The following CFAP46 variants were observed in gnomAD, a reference collection of about 807,000 sequenced individuals.
The protein encoded by CFAP46 is cilia and flagella associated protein 46, also known as cilia- and flagella-associated protein 46.
In CFAP46, 245 loss-of-function variants were observed where a neutral mutation model predicts 325.7. That is an observed-to-expected ratio of 0.75 (90% CI 0.68 to 0.84). The LOEUF is 0.84. Ranked by LOEUF, CFAP46 falls within the 40% of genes least tolerant of loss-of-function variation. The pLI, the probability that CFAP46 is intolerant of heterozygous loss-of-function variation, is 0.00. For missense variants in CFAP46, 3,346 were observed against 3,543.0 expected (o/e 0.94, Z 1.41); for synonymous variants, 1,523 against 1,495.9 (o/e 1.02, Z -0.42).
chr10:132,821,511 CTGTGTGCTGTGTGCTGA>C (rs2073771916), intron 50 of CFAP46, among the ~76,000 whole-genome samples: 4 of 115,280 alleles, frequency 3.5e-5, no homozygotes, highest in South Asian at 5.9e-4. Context: ...GCTGTGTGCG[CTGTGTGCTGTGTGCTGA>C]TGTGTGCTGA....
Position 132,884,663 on chromosome 10 carries a change from G to A in CFAP46, c.3627+440C>T, listed in dbSNP as rs1849095561. On this transcript the variant is annotated intron_variant, in intron 27 of 57. Coordinates refer to ENST00000368586, the MANE Select transcript of CFAP46 (RefSeq NM_001200049.3). This position sits in a 1 kb window ranked among gnomAD's most constrained non-coding sequence, Gnocchi z 5.4. The stretch of plus-strand genomic sequence containing the variant: ...CTCGCCTTCCTGGGGGTGGGGAAGA[G>A]ACGCCAACATCCCCAGAACGCCCAC... Among the ~76,000 whole-genome samples the A allele has an allele frequency of 6.6e-6, 1 of 152,116 alleles. No individual in the cohort carries two copies. Among genetic ancestry groups the A allele is most frequent in the Non-Finnish European group, 1.5e-5 (1 of 68,012 alleles).
intron 24 of CFAP46, among the ~76,000 whole-genome samples, chr10:132,896,293 G>A (rs1360510161): frequency 6.6e-6 from 1 of 152,226 alleles, no homozygotes; most frequent in Non-Finnish European, 1.5e-5. Context: ...GCCAGGCTGT[G>A]TGTGCCACAT....
At chr10:132,936,151 C>T (rs1427909948) in intron 7 of CFAP46, among the ~76,000 whole-genome samples, 1 of 115,526 alleles carries the variant, frequency 8.7e-6, no homozygotes, top group South Asian at 3.1e-4. Context: ...TCACTCCCCC[C>T]GGCCCCCAAA....
At position 132,889,120 on chromosome 10, in the gene CFAP46, C is replaced by T. The variant is rs1849221100; in HGVS notation, c.3305-3161G>A. Among the ~76,000 whole-genome samples the T allele has an allele frequency of 1.3e-5, 2 of 152,196 alleles. No homozygotes were observed. The highest frequency in any genetic ancestry group is 2.9e-5 in the Non-Finnish European group (2 of 68,040). On this transcript the variant is annotated intron_variant, in intron 25 of 57. Transcript: ENST00000368586. The surrounding 1 kb of genome is among the most constrained non-coding windows in gnomAD (Gnocchi z 6.0). ...CAAACCCCTTTCTCCCAGCGCCCTC[C>T]CCCAGCACTCTGCAGGCCACAGTGC...
At chr10:132,868,262 G>A (rs927394348) in intron 33 of CFAP46, among the ~76,000 whole-genome samples, 5 of 152,070 alleles carry the variant, frequency 3.3e-5, no homozygotes, top group African/African-American at 1.2e-4. Flanking sequence ...TCTGCCATCT[G>A]CCACCCTCCA....
chr10:132,824,495 CTGTGT>C (rs1564768016), intron 50 of CFAP46, among the ~76,000 whole-genome samples: 1 of 79,822 alleles, frequency 1.3e-5, no homozygotes, highest in African/African-American at 5.2e-5. Context: ...GCGCTGTGTG[CTGTGT>C]GCTGATGTGT....
chr10:132,860,527 AG>A lies in CFAP46; in HGVS notation c.5092-5del, dbSNP rs1848706027. The stretch of plus-strand genomic sequence containing the variant: ...GCTTCTGAAATATGTGACACACCTG[AG>A]GACAGGCAGGGGTGGATACGGGTGT... On this transcript the variant is annotated splice_polypyrimidine_tract_variant and splice_region_variant and intron_variant, in intron 36 of 57. Coordinates refer to ENST00000368586, the MANE Select transcript of CFAP46 (RefSeq NM_001200049.3). The A allele has an allele frequency of 5.2e-6, 8 of 1,540,750 alleles. No homozygotes were observed. The highest frequency in any genetic ancestry group is 7.0e-6 in the Non-Finnish European group (8 of 1,137,858).
Position 132,876,923 on chromosome 10 carries a change from T to C in CFAP46, c.4251A>G (p.Leu1417=). Residue 1417 remains leucine (L), a synonymous_variant, in exon 31 of 58, where the codon TTA becomes TTG. Transcript: ENST00000368586. The surrounding 1 kb of genome is among the most constrained non-coding windows in gnomAD (Gnocchi z 4.1). ...SPAPIKQLED[L]PMSIEEWASY... ...AAGCCCACTCTTCTATGCTCATGGG[T>C]AAGTCTTCCAGTTGTTTGATAGGAG... is the stretch of plus-strand genomic sequence containing the variant. 1 of 1,550,534 alleles carries C rather than the reference T, an allele frequency of 6.4e-7. No individual in the cohort carries two copies. The highest frequency in any genetic ancestry group is 8.7e-7 in the Non-Finnish European group (1 of 1,146,970).
chr10:132,906,190 G>A (rs7079166), intron 22 of CFAP46, among the ~76,000 whole-genome samples: 55,078 of 152,142 alleles, frequency 0.36, 10,256 homozygotes, highest in Admixed American at 0.49. Context: ...TTGTGAACGT[G>A]GGGCACCACG....
rs923968662 is a variant in CFAP46, at chr10:132,827,709, C to CA, written c.7117+5648dup. ...GCGAAGGTCACGGCACACCCAGCCC[C>CA]AGGAGCTTCCCCAAAATGCCTGCAA... On this transcript the variant is annotated intron_variant, in intron 50 of 57. Transcript: ENST00000368586. The surrounding 1 kb of genome is among the most constrained non-coding windows in gnomAD (Gnocchi z 5.7). Among the ~76,000 whole-genome samples, 1 of 152,114 alleles carries CA rather than the reference C, an allele frequency of 6.6e-6. No individual in the cohort carries two copies. The highest frequency in any genetic ancestry group is 2.4e-5 in the African/African-American group (1 of 41,418).
intron 8 of CFAP46, among the ~76,000 whole-genome samples, chr10:132,933,126 C>T (rs1849938667): frequency 6.6e-6 from 1 of 152,242 alleles, no homozygotes. Context: ...ACCATCCTCC[C>T]TGCATCCCTG....
Position 132,877,929 on chromosome 10 carries a change from C to G in CFAP46, c.4164G>C (p.Glu1388Asp). The G allele has an allele frequency of 1.3e-6, 2 of 1,550,282 alleles. No homozygotes were observed. The highest frequency in any genetic ancestry group is 1.7e-6 in the Non-Finnish European group (2 of 1,146,724). Reference protein sequence around the residue: ...SKEKENERSKEKDKEKGKEEK... With the variant: ...SKEKENERSKDKDKEKGKEEK... The stretch of plus-strand genomic sequence containing the variant: ...CCTCCTTTCCCTTCTCCTTGTCCTT[C>G]TCTTTACTCCTCTCATTCTCCTTCT... Residue 1388 changes from glutamate (E) to aspartate (D), a missense_variant, in exon 30 of 58, where the codon GAG becomes GAC. By Grantham distance (45) the Glu-to-Asp change is conservative (BLOSUM62 2). Coordinates refer to ENST00000368586, the MANE Select transcript of CFAP46 (RefSeq NM_001200049.3). This position sits in a 1 kb window ranked among gnomAD's most constrained non-coding sequence, Gnocchi z 5.7.
intron 50 of CFAP46, among the ~76,000 whole-genome samples, chr10:132,816,875 C>T (rs1014244376): frequency 1.3e-5 from 2 of 152,228 alleles, no homozygotes; most frequent in Admixed American, 6.5e-5. Context: ...TTTCTACCCT[C>T]ATCACGCTGT....
intron 19 of CFAP46, among the ~76,000 whole-genome samples, chr10:132,911,022 T>A (rs1849533379): frequency 1.3e-5 from 2 of 152,158 alleles, no homozygotes; most frequent in South Asian, 4.1e-4. Context: ...AGCATCTGGA[T>A]CCAGCCATCA....
At chr10:132,824,025 TGA>T (rs1461637557) in intron 50 of CFAP46, among the ~76,000 whole-genome samples, 30 of 111,364 alleles carry the variant, frequency 2.7e-4, no homozygotes, top group South Asian at 3.6e-4. Context: ...GTGTGCTGTG[TGA>T]GTGCTGATGT....
intron 17 of CFAP46, 93 bp from the exon 18 acceptor site, chr10:132,913,351 T>G: frequency 2.1e-6 from 1 of 473,564 alleles, no homozygotes. Flanking sequence ...GGAACCAGGC[T>G]GCAGGGCAAG....
intron 25 of CFAP46, among the ~76,000 whole-genome samples, chr10:132,887,387 T>C (rs1849161342): frequency 1.0e-5 from 1 of 100,278 alleles, no homozygotes; most frequent in African/African-American, 5.1e-5. Context: ...CTTCTCTCTC[T>C]CCTCTCTCGC....
intron 27 of CFAP46, among the ~76,000 whole-genome samples, chr10:132,881,423 T>C (rs1849041422): frequency 6.6e-6 from 1 of 152,178 alleles, no homozygotes; most frequent in Non-Finnish European, 1.5e-5. Flanking sequence ...GGCAGCCCCA[T>C]GTCCCTGCTG....
rs1322796204 is a variant in CFAP46 at position 132,926,582 on chromosome 10, G to A, written c.1051C>T (p.Arg351Ter). 1.1e-5 allele frequency: 17 copies of A among 1,535,726 alleles called. No homozygotes were observed. Among genetic ancestry groups the A allele is most frequent in the East Asian group, 9.8e-5 (4 of 40,924 alleles). The change falls in exon 10 of 58, where the codon CGA (arginine) becomes TGA (stop). Residue 351 changes from arginine to a stop codon, truncating the protein, a stop_gained. Transcript: ENST00000368586. LOFTEE classifies it high-confidence loss of function. ...RLESKMKVYN[R>*]AAVEAQLDII... ...TAAGGACTGACCTCAACAGCCGCTCGGTTGTACACTTTCATCTTACTTTCA... is the reference window on the plus strand; with the variant it reads ...TAAGGACTGACCTCAACAGCCGCTCAGTTGTACACTTTCATCTTACTTTCA...
Sources: allele counts gnomAD v4.1 joint callset (sites outside exome capture counted in the v4.1 genomes callset), GRCh38; gene constraint gnomAD v4.1.1; non-coding constraint Gnocchi (gnomAD v3.1); transcripts MANE v1.5; gene names NCBI Gene and HGNC (gene_info 2026-07-23, HGNC 2026-07-21).